UQCC1: variants seen among roughly 807,000 people sequenced by gnomAD.
The protein encoded by UQCC1 is bFGF-repressed Zic-binding protein.
Under a neutral mutation model 48.0 loss-of-function variants are expected in UQCC1, and 38 were observed. The observed-to-expected ratio is 0.79, with a 90% CI of 0.61 to 1.04. UQCC1 has a LOEUF of 1.04. Among genes scored for constraint, UQCC1 ranks in the 50% least tolerant of loss-of-function variants. The pLI is 0.00. For missense variants in UQCC1, 368 were observed against 381.8 expected (o/e 0.96, Z 0.30); for synonymous variants, 111 against 129.2 (o/e 0.86, Z 0.95).
intron 1 of UQCC1, among the ~76,000 whole-genome samples, chr20:35,405,559 T>C (rs1222306366): frequency 6.6e-6 from 1 of 152,202 alleles, no homozygotes; most frequent in Non-Finnish European, 1.5e-5. Flanking sequence ...ATTTCAAATA[T>C]GTTCAAAGAT....
intron 7 of UQCC1, among the ~76,000 whole-genome samples, chr20:35,328,625 G>A (rs933520520): frequency 6.6e-6 from 1 of 152,128 alleles, no homozygotes. Context: ...CAGTATGTGA[G>A]CACTCTCAAC....
At chr20:35,378,721 C>T (rs2061831977) in intron 4 of UQCC1, among the ~76,000 whole-genome samples, 1 of 152,226 alleles carries the variant, frequency 6.6e-6, no homozygotes, top group African/African-American at 2.4e-5. Flanking sequence ...TCTTGATTCA[C>T]AGTCAACCAT....
intron 6 of UQCC1, 57 bp downstream of exon 6, chr20:35,366,500 A>C: frequency 1.3e-6 from 2 of 1,500,230 alleles, no homozygotes; most frequent in East Asian, 4.5e-5. Flanking sequence ...TATACCTTAC[A>C]AGTCAGCAGT....
chr20:35,349,513 T>C (rs1365935504), intron 6 of UQCC1, among the ~76,000 whole-genome samples: 2 of 152,216 alleles, frequency 1.3e-5, no homozygotes, highest in East Asian at 1.9e-4. Flanking sequence ...ATACCATCAA[T>C]GTGTAAAGTG....
At chr20:35,338,892 A>AAATAT (rs1555805500) in intron 7 of UQCC1, among the ~76,000 whole-genome samples, 4 of 30,560 alleles carry the variant, frequency 1.3e-4, no homozygotes, top group East Asian at 6.2e-4. Context: ...AAAAAAAAAA[A>AAATAT]ATATATATAT....
chr20:35,328,078 G>A (rs971307079), intron 7 of UQCC1, among the ~76,000 whole-genome samples: 8 of 150,834 alleles, frequency 5.3e-5, no homozygotes, highest in Non-Finnish European at 1.0e-4. Flanking sequence ...CATCTTTATA[G>A]GGTAATTCTC....
At chr20:35,385,189 G>T (rs2061926809) in intron 2 of UQCC1, among the ~76,000 whole-genome samples, 1 of 152,124 alleles carries the variant, frequency 6.6e-6, no homozygotes, top group Admixed American at 6.5e-5. Flanking sequence ...CTGAACCTCA[G>T]TTGCAGTAAG....
At chr20:35,316,744 TTCTCCTGCCTCA>T (rs2061063827) in intron 7 of UQCC1, among the ~76,000 whole-genome samples, 1 of 151,952 alleles carries the variant, frequency 6.6e-6, no homozygotes, top group African/African-American at 2.4e-5. Context: ...GTTCACAGCA[TTCTCCTGCCTCA>T]GCCTCCCAAG....
chr20:35,387,601 T>C (rs2061960904), intron 2 of UQCC1, among the ~76,000 whole-genome samples: 1 of 152,036 alleles, frequency 6.6e-6, no homozygotes, highest in Non-Finnish European at 1.5e-5. Flanking sequence ...TAAAAGGTCC[T>C]AGTGGAAAGG....
In UQCC1 at chr20:35,382,026, C is replaced by A; in HGVS notation, c.226-1G>T. The A allele has an allele frequency of 6.3e-7, 1 of 1,577,640 alleles. No individual in the cohort carries two copies. The highest frequency in any genetic ancestry group is 2.0e-5 in the Admixed American group (1 of 49,994). ...GTGGGGAATCTTTGGTAGTAGAAAG[C>A]TGATTAACCAAAAAGAAAAAAACTA... On this transcript the variant is annotated splice_acceptor_variant, in intron 3 of 9. Transcript: ENST00000374385. LOFTEE classifies it high-confidence loss of function.
At position 35,384,080 on chromosome 20, in the gene UQCC1, T is replaced by C. The variant is rs1054618962; in HGVS notation, c.183A>G (p.Gly61=). 6.2e-7 allele frequency: 1 copy of C among 1,613,128 alleles called. No homozygotes were observed. The highest frequency in any genetic ancestry group is 1.7e-5 in the Admixed American group (1 of 60,004). ...ACTTCCTATTCAGCTGTATGTCTATTCCAGGAATCTGTTCTGATCCACCAC... is the reference window on the plus strand; with the variant it reads ...ACTTCCTATTCAGCTGTATGTCTATCCCAGGAATCTGTTCTGATCCACCAC... ...RACGGSEQIP[G]IDIQLNRKYH... is the part of the protein sequence containing the mutation. The change falls in exon 3 of 10, where the codon GGA becomes GGG. Residue 61 remains glycine, a synonymous_variant. Coordinates refer to ENST00000374385, the MANE Select transcript of UQCC1 (RefSeq NM_018244.5).
chr20:35,385,795 C>G (rs561763194), intron 2 of UQCC1, among the ~76,000 whole-genome samples: 1 of 151,746 alleles, frequency 6.6e-6, no homozygotes, highest in Non-Finnish European at 1.5e-5. Flanking sequence ...AATGGGACTA[C>G]AGGCATGAGC....
intron 1 of UQCC1, among the ~76,000 whole-genome samples, chr20:35,401,301 C>G (rs895738926): frequency 2.6e-5 from 4 of 152,172 alleles, no homozygotes; most frequent in African/African-American, 9.7e-5. Flanking sequence ...ACATTGTGGC[C>G]TTCTCGCACT....
intron 7 of UQCC1, among the ~76,000 whole-genome samples, chr20:35,333,457 G>A (rs901884110): frequency 2.0e-5 from 3 of 152,204 alleles, no homozygotes; most frequent in African/African-American, 7.2e-5. Context: ...CTTTTTGGCA[G>A]TTGTGGCAAA....
intron 6 of UQCC1, among the ~76,000 whole-genome samples, chr20:35,354,233 A>G (rs1023435676): frequency 5.3e-5 from 8 of 152,158 alleles, no homozygotes; most frequent in Non-Finnish European, 1.2e-4. Flanking sequence ...ATAGAACATC[A>G]TTTTCAGAAT....
intron 7 of UQCC1, among the ~76,000 whole-genome samples, chr20:35,319,084 G>C (rs79476875): frequency 2.3e-4 from 35 of 152,056 alleles, no homozygotes; most frequent in African/African-American, 7.2e-4. Flanking sequence ...CAAGGAAAAG[G>C]TTCCTTTTAT....
At chr20:35,341,695 G>A (rs2146373567) in intron 7 of UQCC1, among the ~76,000 whole-genome samples, 1 of 152,316 alleles carries the variant, frequency 6.6e-6, no homozygotes, top group East Asian at 1.9e-4. Context: ...TTCCTTAGGG[G>A]AAACTGGGAT....
intron 6 of UQCC1, among the ~76,000 whole-genome samples, chr20:35,360,585 T>C (rs984367428): frequency 2.0e-5 from 3 of 152,142 alleles, no homozygotes. Flanking sequence ...TGAAAAGTAG[T>C]TTACAATAAC....
At chr20:35,372,703 T>TA (rs1396266999) in intron 5 of UQCC1, among the ~76,000 whole-genome samples, 6 of 151,716 alleles carry the variant, frequency 4.0e-5, no homozygotes, top group Admixed American at 6.6e-5. Flanking sequence ...CTGTCTCTAC[T>TA]AAAAAAAATA....
Sources: gnomAD v4.1 joint callset for allele counts (sites outside exome capture counted in the v4.1 genomes callset) on GRCh38, gnomAD v4.1.1 for gene constraint, MANE v1.5 for transcripts, NCBI Gene and HGNC (gene_info 2026-07-23, HGNC 2026-07-21) for gene names.